Variants in LARGE1 observed in about 807,000 individuals in gnomAD.
LARGE1 encodes the protein LARGE xylosyl- and glucuronyltransferase 1.
A neutral mutation model predicts 87.6 loss-of-function variants in LARGE1; 43 were observed. The observed-to-expected ratio is 0.49, with a 90% CI of 0.38 to 0.63. The LOEUF is 0.63. LARGE1 is among the 30% of genes least tolerant of loss of function. The pLI is 0.00. For missense variants in LARGE1, 802 were observed against 1,000.2 expected, an observed-to-expected ratio of 0.80 and a Z score of 2.67; for synonymous variants, 434 against 394.6, an observed-to-expected ratio of 1.10 and a Z score of -1.18.
Position 33,304,314 on chromosome 22 carries a change from C to T in LARGE1, c.1645G>A (p.Val549Met), listed in dbSNP as rs149646216. Residue 549 changes from valine to methionine, a missense_variant, in exon 12 of 15, where the codon GTG becomes ATG. Transcript: ENST00000397394. Reference sequence around the variant, plus strand: ...GGAGTGCTGATGTGCTTCATGGCCACGTTGCGCAGCAGGTTCACGGGGTAG... The same window carrying T: ...GGAGTGCTGATGTGCTTCATGGCCATGTTGCGCAGCAGGTTCACGGGGTAG... ...QFYPVNLLRN[V>M]AMKHISTPYM... 3.2e-5 allele frequency: 52 copies of T among 1,614,272 alleles called. No homozygotes were observed. Among genetic ancestry groups the T allele is most frequent in the African/African-American group, 2.9e-4 (22 of 75,080 alleles).
chr22:33,831,866 C>T (rs116795096), intron 1 of LARGE1, among the ~76,000 whole-genome samples: 2,358 of 152,242 alleles, frequency 0.015, 55 homozygotes, highest in African/African-American at 0.054. Flanking sequence ...CCCAGCCTGG[C>T]CCAGGCGTAA....
rs367847291 is a variant in LARGE1 at position 33,582,313 on chromosome 22, T to TG, written c.616-17295dup. 1.4e-3 allele frequency among the ~76,000 whole-genome samples: 216 copies of TG among 152,300 alleles called. 1 individual carries two copies. The highest frequency in any genetic ancestry group is 5.0e-3 in the African/African-American group (209 of 41,562). ...AAAATGGATGTGGATGAAAAGTCTTTGTCCTGGTACAGGAGAGTACACATT... is the reference window on the plus strand; with the variant it reads ...AAAATGGATGTGGATGAAAAGTCTTTGGTCCTGGTACAGGAGAGTACACATT... On this transcript the variant is annotated intron_variant, in intron 5 of 14. Coordinates refer to ENST00000397394, the MANE Select transcript of LARGE1 (RefSeq NM_133642.5).
At chr22:33,186,787 T>A (rs74971574) in intron 11 of LARGE1, among the ~76,000 whole-genome samples, 3,642 of 152,290 alleles carry the variant, frequency 0.024, 154 homozygotes, top group African/African-American at 0.084. Flanking sequence ...CAAGGTCACA[T>A]GATATAACAT....
intron 1 of LARGE1, among the ~76,000 whole-genome samples, chr22:33,884,185 A>G (rs544130254): frequency 1.3e-5 from 2 of 152,340 alleles, no homozygotes; most frequent in African/African-American, 4.8e-5. Flanking sequence ...CAGGGCAGAA[A>G]CCAAGGCCAT....
intron 12 of LARGE1, among the ~76,000 whole-genome samples, chr22:33,298,639 A>G (rs2146084951): frequency 6.6e-6 from 1 of 152,036 alleles, no homozygotes; most frequent in South Asian, 2.1e-4. Context: ...CCTGGACAAT[A>G]GGGTCTGGGT....
At chr22:33,812,547 G>C (rs1025010834) in intron 1 of LARGE1, among the ~76,000 whole-genome samples, 27 of 152,206 alleles carry the variant, frequency 1.8e-4, no homozygotes, top group Admixed American at 3.9e-4. Context: ...ATTGTCATCA[G>C]TGAGGCCTCA....
At chr22:33,436,257 C>A (rs1463403143) in intron 6 of LARGE1, among the ~76,000 whole-genome samples, 1 of 152,196 alleles carries the variant, frequency 6.6e-6, no homozygotes, top group Non-Finnish European at 1.5e-5. Context: ...ATGTTAAGTT[C>A]TTAGAACAGA....
intron 7 of LARGE1, among the ~76,000 whole-genome samples, chr22:33,400,035 G>A (rs2065883880): frequency 6.6e-6 from 1 of 152,210 alleles, no homozygotes; most frequent in Non-Finnish European, 1.5e-5. Flanking sequence ...ACGCTCACTT[G>A]TCTGTAGTTG....
chr22:33,465,475 T>C (rs541881539), intron 6 of LARGE1, among the ~76,000 whole-genome samples: 1 of 152,342 alleles, frequency 6.6e-6, no homozygotes, highest in South Asian at 2.1e-4. Context: ...AAGTAGAACA[T>C]ATGCCATAGA....
At chr22:33,151,800 T>G in the LARGE1 span, among the ~76,000 whole-genome samples, 1 of 152,192 alleles carries the variant, frequency 6.6e-6, no homozygotes, top group Non-Finnish European at 1.5e-5. Flanking sequence ...TGGTATATTA[T>G]TCTGTTTATA....
the LARGE1 span, among the ~76,000 whole-genome samples, chr22:33,118,053 G>A: frequency 6.6e-6 from 1 of 152,148 alleles, no homozygotes; most frequent in East Asian, 1.9e-4. Context: ...GATGCACCAA[G>A]GCAGAGAGAA....
intron 4 of LARGE1, among the ~76,000 whole-genome samples, chr22:33,613,513 C>G (rs971471746): frequency 5.3e-5 from 8 of 152,154 alleles, no homozygotes; most frequent in Admixed American, 2.0e-4. Flanking sequence ...TTTTTGGAAA[C>G]AGAGTTTTCA....
chr22:33,908,023 GA>G (rs1340316705), intron 1 of LARGE1, among the ~76,000 whole-genome samples: 2 of 152,156 alleles, frequency 1.3e-5, no homozygotes, highest in Admixed American at 1.3e-4. Context: ...TCATTGGTGA[GA>G]GGGGGAAGGT....
At chr22:33,583,053 ACC>A (rs2078568654) in intron 5 of LARGE1, among the ~76,000 whole-genome samples, 1 of 152,178 alleles carries the variant, frequency 6.6e-6, no homozygotes, top group South Asian at 2.1e-4. Context: ...CATATATTAT[ACC>A]CTGTCTAGAT....
intron 11 of LARGE1, among the ~76,000 whole-genome samples, chr22:33,182,101 C>G (rs950637438): frequency 6.6e-6 from 1 of 152,070 alleles, no homozygotes; most frequent in African/African-American, 2.4e-5. Context: ...GGATTATAGG[C>G]GTGAGCCACC....
At chr22:33,523,551 T>C (rs2071723029) in intron 6 of LARGE1, among the ~76,000 whole-genome samples, 1 of 152,234 alleles carries the variant, frequency 6.6e-6, no homozygotes, top group African/African-American at 2.4e-5. Flanking sequence ...TGGAAAATCT[T>C]AATGAAGGCC....
intron 6 of LARGE1, among the ~76,000 whole-genome samples, chr22:33,456,905 C>T (rs1451660318): frequency 6.6e-6 from 1 of 152,160 alleles, no homozygotes; most frequent in African/African-American, 2.4e-5. Context: ...GTCAAATAAG[C>T]TTCTGCAACT....
the LARGE1 span, among the ~76,000 whole-genome samples, chr22:33,122,838 T>G: frequency 6.6e-6 from 1 of 152,218 alleles, no homozygotes. Flanking sequence ...ACATATATTC[T>G]GATTTTTCCA....
chr22:33,399,430 G>C (rs1328222577), intron 7 of LARGE1, among the ~76,000 whole-genome samples: 1 of 152,200 alleles, frequency 6.6e-6, no homozygotes, highest in Non-Finnish European at 1.5e-5. Context: ...ATTGTAAATA[G>C]TGCTGCAATA....
Sources: gnomAD v4.1 joint callset for allele counts (sites outside exome capture counted in the v4.1 genomes callset) on GRCh38, gnomAD v4.1.1 for gene constraint, MANE v1.5 for transcripts, NCBI Gene and HGNC (gene_info 2026-07-23, HGNC 2026-07-21) for gene names.